CCSER1: variants seen among roughly 807,000 people sequenced by gnomAD.
The protein encoded by CCSER1 is coiled-coil serine rich protein 1.
Under a neutral mutation model 82.0 loss-of-function variants are expected in CCSER1, and 41 were observed. That is an observed-to-expected ratio of 0.50 (90% CI 0.39 to 0.65). CCSER1 has a LOEUF of 0.65. Among genes scored for constraint, CCSER1 ranks in the 30% least tolerant of loss-of-function variants. The pLI, the probability that CCSER1 is intolerant of heterozygous loss-of-function variation, is 0.00. For missense variants in CCSER1, 1,119 were observed against 1,064.2 expected, an observed-to-expected ratio of 1.05 and a Z score of -0.72; for synonymous variants, 414 against 383.9, an observed-to-expected ratio of 1.08 and a Z score of -0.92.
At chr4:90,576,185 A>C (rs553244152) in intron 5 of CCSER1, among the ~76,000 whole-genome samples, 1 of 151,994 alleles carries the variant, frequency 6.6e-6, no homozygotes, top group East Asian at 1.9e-4. Flanking sequence ...TTGACTTTTC[A>C]ATATTTACTA....
At chr4:91,357,761 A>G (rs944697353) in intron 10 of CCSER1, among the ~76,000 whole-genome samples, 3 of 151,746 alleles carry the variant, frequency 2.0e-5, no homozygotes, top group African/African-American at 7.2e-5. Context: ...CAATTTTTCA[A>G]CATGTCTCAA....
rs558727607 is a variant in CCSER1 at position 90,941,468 on chromosome 4, C to T, written c.2172+18021C>T. 3.3e-5 allele frequency among the ~76,000 whole-genome samples: 5 copies of T among 151,990 alleles called. No individual in the cohort carries two copies. The East Asian group carries it at 9.7e-4, about 29-fold the overall frequency. On this transcript the variant is annotated intron_variant, in intron 9 of 10. Coordinates refer to ENST00000509176, the MANE Select transcript of CCSER1 (RefSeq NM_001145065.2). ...AAGTTATCCAAATTGTATCATTTTC[C>T]TTAGTTACCTAAATTTAATATTGTT...
At chr4:90,147,306 A>G (rs1482205300) in intron 1 of CCSER1, among the ~76,000 whole-genome samples, 1 of 152,138 alleles carries the variant, frequency 6.6e-6, no homozygotes, top group Admixed American at 6.6e-5. Flanking sequence ...AAAAATAGAG[A>G]CACAGAAAAC....
chr4:90,221,210 G>T, intron 1 of CCSER1, among the ~76,000 whole-genome samples: 1 of 152,064 alleles, frequency 6.6e-6, no homozygotes. Flanking sequence ...ATGCTTAATG[G>T]TAGTCTAAGA....
chr4:90,712,381 T>C (rs547149798), intron 6 of CCSER1, among the ~76,000 whole-genome samples: 2 of 152,236 alleles, frequency 1.3e-5, no homozygotes, highest in South Asian at 4.1e-4. Context: ...TCTTGATTTC[T>C]TCCTTAATTT....
At chr4:90,263,592 G>A (rs1724718566) in intron 1 of CCSER1, among the ~76,000 whole-genome samples, 1 of 152,094 alleles carries the variant, frequency 6.6e-6, no homozygotes, top group Non-Finnish European at 1.5e-5. Context: ...TTTTTCCTGG[G>A]CACAGAGTTA....
At chr4:90,314,289 A>T (rs1735787146) in intron 3 of CCSER1, among the ~76,000 whole-genome samples, 1 of 152,158 alleles carries the variant, frequency 6.6e-6, no homozygotes, top group Admixed American at 6.6e-5. Flanking sequence ...ATTGGCTATT[A>T]TATTATTATT....
chr4:91,142,023 A>C (rs1440743845), intron 10 of CCSER1, among the ~76,000 whole-genome samples: 1 of 152,092 alleles, frequency 6.6e-6, no homozygotes, highest in African/African-American at 2.4e-5. Context: ...CAGATTCAAA[A>C]TTTGTGAATA....
intron 10 of CCSER1, among the ~76,000 whole-genome samples, chr4:91,169,347 A>T (rs1732508690): frequency 6.6e-6 from 1 of 152,208 alleles, no homozygotes; most frequent in East Asian, 1.9e-4. Context: ...TTGGCCAGGC[A>T]TGGTGTCTCA....
intron 10 of CCSER1, among the ~76,000 whole-genome samples, chr4:91,449,499 A>T (rs1400643412): frequency 2.0e-5 from 3 of 152,020 alleles, no homozygotes; most frequent in East Asian, 3.9e-4. Context: ...ATAAAAATTT[A>T]AAATGATTAC....
intron 1 of CCSER1, among the ~76,000 whole-genome samples, chr4:90,213,128 G>A (rs774993934): frequency 9.2e-5 from 14 of 152,290 alleles, no homozygotes; most frequent in Non-Finnish European, 1.9e-4. Context: ...CATCAGTGTT[G>A]AAAATACCCT....
intron 3 of CCSER1, among the ~76,000 whole-genome samples, chr4:90,334,812 A>T (rs1740068619): frequency 6.6e-6 from 1 of 152,154 alleles, no homozygotes; most frequent in Admixed American, 6.6e-5. Flanking sequence ...TTTGTGTACC[A>T]TTCTAATATT....
chr4:91,547,345 T>C lies in CCSER1; in HGVS notation c.2218-51227T>C, dbSNP rs1044392824. On this transcript the variant is annotated intron_variant, in intron 10 of 10. Transcript: ENST00000509176. ...GGATTCATCTATTTTGTCCTGTAGT[T>C]CTGTCAGGTTTTGTTTCACATATTT... 2.6e-5 allele frequency among the ~76,000 whole-genome samples: 4 copies of C among 152,304 alleles called. No homozygotes were observed. In the South Asian group the frequency reaches 8.3e-4, roughly 32 times the overall value.
At chr4:91,127,979 C>T (rs1283123684) in intron 10 of CCSER1, among the ~76,000 whole-genome samples, 4 of 151,966 alleles carry the variant, frequency 2.6e-5, no homozygotes, top group African/African-American at 9.7e-5. Context: ...TTTCAAAAGT[C>T]CCCTATAATG....
chr4:90,493,955 T>G (rs1161668187), intron 5 of CCSER1, among the ~76,000 whole-genome samples: 2 of 152,114 alleles, frequency 1.3e-5, no homozygotes, highest in African/African-American at 4.8e-5. Flanking sequence ...ATGCTCCAAT[T>G]AAAAGACAGA....
intron 5 of CCSER1, among the ~76,000 whole-genome samples, chr4:90,557,483 G>A (rs2153645326): frequency 6.6e-6 from 1 of 152,142 alleles, no homozygotes; most frequent in African/African-American, 2.4e-5. Flanking sequence ...CATTAGACTG[G>A]TGGGTACACT....
chr4:90,988,356 A>T (rs896259978), intron 9 of CCSER1, among the ~76,000 whole-genome samples: 2 of 148,916 alleles, frequency 1.3e-5, no homozygotes, highest in African/African-American at 4.9e-5. Flanking sequence ...AAAAAAAAAA[A>T]AAAAAAAGAA....
intron 10 of CCSER1, among the ~76,000 whole-genome samples, chr4:91,427,277 C>T (rs1383823094): frequency 2.0e-5 from 3 of 152,130 alleles, no homozygotes; most frequent in Admixed American, 6.6e-5. Context: ...AAAATTTCCC[C>T]ACGGCCCATC....
In CCSER1 at chr4:91,585,655, G is replaced by A. The variant is rs1214004612; in HGVS notation, c.2218-12917G>A. Among the ~76,000 whole-genome samples the A allele has an allele frequency of 4.0e-5, 6 of 151,446 alleles. No individual in the cohort carries two copies. The East Asian group carries it at 1.2e-3, about 29-fold the overall frequency. Reference sequence around the variant, plus strand: ...AAATTTTCTAGGGACTGAGTTACCTGTCAGGTAAAAATGAAGGGAAGAACA... The same window carrying A: ...AAATTTTCTAGGGACTGAGTTACCTATCAGGTAAAAATGAAGGGAAGAACA... On this transcript the variant is annotated intron_variant, in intron 10 of 10. Coordinates refer to ENST00000509176, the MANE Select transcript of CCSER1 (RefSeq NM_001145065.2).
Sources: allele counts gnomAD v4.1 joint callset (sites outside exome capture counted in the v4.1 genomes callset), GRCh38; gene constraint gnomAD v4.1.1; transcripts MANE v1.5; gene names NCBI Gene and HGNC (gene_info 2026-07-23, HGNC 2026-07-21).